GLE1: variants seen among roughly 807,000 people sequenced by gnomAD.
The protein encoded by GLE1 is GLE1 RNA export mediator, also known as mRNA export factor GLE1.
In GLE1, 78 loss-of-function variants were observed where a neutral mutation model predicts 97.3. The ratio of observed to expected loss-of-function variants is 0.80; its 90% CI spans 0.67 to 0.97. The LOEUF (loss-of-function observed/expected upper bound fraction) is 0.97. Ranked by LOEUF, GLE1 falls within the 50% of genes least tolerant of loss-of-function variation. GLE1 has a pLI of 0.00. For missense variants in GLE1, 753 were observed against 857.5 expected (o/e 0.88, Z 1.52); for synonymous variants, 302 against 313.4 (o/e 0.96, Z 0.39).
At position 128,522,524 on chromosome 9, in the gene GLE1, G is replaced by A. The variant is rs978738769; in HGVS notation, c.433-144G>A. The A allele has an allele frequency of 1.6e-5, 13 of 814,758 alleles. No homozygotes were observed. In the African/African-American group the frequency reaches 1.7e-4, roughly 11 times the overall value. The allele number at this position is 814,758 out of a possible 1,614,324, so 50.5% of individuals were successfully genotyped here. On this transcript the variant is annotated intron_variant, in intron 3 of 15. Coordinates refer to ENST00000309971, the MANE Select transcript of GLE1 (RefSeq NM_001003722.2). ...AAAAATTAGCTGGGCATGGTGGCAG[G>A]CACCTGTAGTCCCAGCTACTTGGGG...
At chr9:128,527,977 GA>G (rs1847352913) in intron 9 of GLE1, among the ~76,000 whole-genome samples, 1 of 143,806 alleles carries the variant, frequency 7.0e-6, no homozygotes, top group Non-Finnish European at 1.5e-5. Flanking sequence ...AACAAAAAAA[GA>G]AGACTCTTTT....
chr9:128,524,582 C>T lies in GLE1; in HGVS notation c.898-610C>T, dbSNP rs116368487. ...TTTTTTTTTTTTTGAGACAGGGTCT[C>T]ACACTCTTGCCCCGGCTGGAGTGCA... On this transcript the variant is annotated intron_variant, in intron 6 of 15. Transcript: ENST00000309971. Among the ~76,000 whole-genome samples the T allele has an allele frequency of 6.8e-3, 785 of 115,618 alleles. 8 individuals carry two copies. Among genetic ancestry groups the T allele is most frequent in the African/African-American group, 0.024 (737 of 30,576 alleles). 75.8% of individuals were successfully genotyped at this position (115,618 alleles called of 152,430 possible). A position where few individuals can be genotyped will look rare whatever the true frequency, so the allele number is the denominator to read the frequency against.
intron 2 of GLE1, among the ~76,000 whole-genome samples, chr9:128,512,030 G>A (rs893681970): frequency 1.5e-4 from 23 of 152,164 alleles, no homozygotes; most frequent in Admixed American, 1.3e-3. Flanking sequence ...GGCTGGTCTC[G>A]AACTCCTGTT....
At position 128,522,648 on chromosome 9, in the gene GLE1, A is replaced by C. The variant is rs1048039054; in HGVS notation, c.433-20A>C. The C allele has an allele frequency of 1.1e-5, 17 of 1,601,364 alleles. No homozygotes were observed. Among genetic ancestry groups the C allele is most frequent in the Admixed American group, 8.7e-5 (5 of 57,482 alleles). ...GAGATTCCATCTTAAAAAAAAAAAA[A>C]AAAAAAAAAACCTTTTCAGGAGGGC... On this transcript the variant is annotated intron_variant, in intron 3 of 15. Transcript: ENST00000309971.
At chr9:128,529,197 C>T (rs1052212675) in intron 9 of GLE1, among the ~76,000 whole-genome samples, 10 of 152,218 alleles carry the variant, frequency 6.6e-5, no homozygotes, top group Non-Finnish European at 1.5e-4. Flanking sequence ...TGGACAGCCA[C>T]TCCACACCTC....
At position 128,525,339 on chromosome 9, in the gene GLE1, C is replaced by A. The variant is rs901459774; in HGVS notation, c.1045C>A (p.Gln349Lys). Residue 349 changes from glutamine to lysine, a missense_variant, in exon 7 of 16, where the codon CAA (glutamine) becomes AAA (lysine). Gln to Lys is a moderately conservative substitution (Grantham distance 53). Transcript: ENST00000309971. ...TGAAGAAGAGGCCCAGGTAAAGCTG[C>A]AAGAGGCACAGATGCAGCAGGGACC... ...QDEEEAQVKL[Q>K]EAQMQQGPEA... is the part of the protein sequence containing the mutation. 1.9e-6 allele frequency: 3 copies of A among 1,613,766 alleles called. No individual in the cohort carries two copies. Among genetic ancestry groups the A allele is most frequent in the African/African-American group, 2.7e-5 (2 of 75,046 alleles).
At chr9:128,510,259 T>C (rs1305909825) in intron 2 of GLE1, among the ~76,000 whole-genome samples, 3 of 151,722 alleles carry the variant, frequency 2.0e-5, no homozygotes, top group South Asian at 2.1e-4. Context: ...GACGGAGTCT[T>C]GCTCTGTCCC....
chr9:128,537,376 C>G (rs1847744460), intron 12 of GLE1, among the ~76,000 whole-genome samples: 1 of 148,838 alleles, frequency 6.7e-6, no homozygotes, highest in African/African-American at 2.5e-5. Flanking sequence ...TCGCTTTAAC[C>G]CAGGAGGCAG....
At chr9:128,521,887 T>C (rs773937989) in intron 3 of GLE1, among the ~76,000 whole-genome samples, 9 of 152,210 alleles carry the variant, frequency 5.9e-5, no homozygotes, top group Non-Finnish European at 1.0e-4. Context: ...TTTAACCATA[T>C]GTGAGTACTC....
chr9:128,521,281 C>T (rs1030836368), intron 3 of GLE1, among the ~76,000 whole-genome samples: 2 of 152,140 alleles, frequency 1.3e-5, no homozygotes, highest in Non-Finnish European at 2.9e-5. Context: ...TGCCTATAAT[C>T]CCAGCAGTTT....
chr9:128,536,543 C>T (rs1177681660), intron 12 of GLE1, 59 bp downstream of exon 12: 6 of 1,456,184 alleles, frequency 4.1e-6, no homozygotes, highest in Middle Eastern at 1.8e-4. Context: ...CATGTGTATT[C>T]CTCCCACAGG....
At chr9:128,537,453 CAAAAAAAAAAAA>C (rs57584433) in intron 12 of GLE1, among the ~76,000 whole-genome samples, 6 of 43,946 alleles carry the variant, frequency 1.4e-4, no homozygotes, top group Non-Finnish European at 2.2e-4. Context: ...AACTCTCCCT[CAAAAAAAAAAAA>C]AAAAAAAAAA....
At chr9:128,532,294 G>A (rs886273228) in intron 9 of GLE1, among the ~76,000 whole-genome samples, 4 of 135,684 alleles carry the variant, frequency 2.9e-5, no homozygotes, top group Non-Finnish European at 6.1e-5. Context: ...GCACAATCTC[G>A]GCTCACTGTA....
At chr9:128,527,324 G>T in intron 8 of GLE1, 33 bp downstream of exon 8, 1 of 1,353,856 alleles carries the variant, frequency 7.4e-7, no homozygotes, top group South Asian at 1.2e-5. Context: ...TAATTTTGTG[G>T]ACTTGATGGT....
intron 15 of GLE1, chr9:128,540,707 T>C (rs1055428539): frequency 2.2e-5 from 8 of 362,044 alleles, no homozygotes; most frequent in South Asian, 1.8e-4. Context: ...GCACTTTCAG[T>C]TGGACTCTTC....
intron 3 of GLE1, among the ~76,000 whole-genome samples, chr9:128,517,849 T>G (rs1847031300): frequency 6.6e-6 from 1 of 152,128 alleles, no homozygotes; most frequent in Admixed American, 6.6e-5. Context: ...TATTCTCATT[T>G]CTTATCATAT....
intron 9 of GLE1, among the ~76,000 whole-genome samples, chr9:128,530,892 G>A (rs141729975): frequency 8.0e-6 from 1 of 124,550 alleles, no homozygotes; most frequent in African/African-American, 3.1e-5. Context: ...CTGGGTGAAA[G>A]AGCGAGATTC....
At chr9:128,505,944 A>G (rs1310492371) in intron 1 of GLE1, among the ~76,000 whole-genome samples, 1 of 152,168 alleles carries the variant, frequency 6.6e-6, no homozygotes, top group East Asian at 1.9e-4. Flanking sequence ...TTGGCATTCT[A>G]CTGTAAGGAG....
At chr9:128,516,959 A>G (rs1847007642) in intron 3 of GLE1, among the ~76,000 whole-genome samples, 1 of 151,964 alleles carries the variant, frequency 6.6e-6, no homozygotes, top group Non-Finnish European at 1.5e-5. Flanking sequence ...GCAATGCATG[A>G]TCTTGTAAAA....
Sources: allele counts gnomAD v4.1 joint callset (sites outside exome capture counted in the v4.1 genomes callset), GRCh38; gene constraint gnomAD v4.1.1; transcripts MANE v1.5; gene names NCBI Gene and HGNC (gene_info 2026-07-23, HGNC 2026-07-21).